Variants in FANCC observed in about 807,000 individuals in gnomAD.
FANCC encodes the protein Fanconi anemia group C protein.
A neutral mutation model predicts 71.3 loss-of-function variants in FANCC; 55 were observed. The ratio of observed to expected loss-of-function variants is 0.77; its 90% CI spans 0.62 to 0.97. FANCC has a LOEUF of 0.97. FANCC is among the 50% of genes least tolerant of loss of function. FANCC has a pLI of 0.00. For synonymous variants in FANCC, 275 were observed against 244.9 expected, an observed-to-expected ratio of 1.12 and a Z score of -1.15; for missense variants, 678 against 670.9, an observed-to-expected ratio of 1.01 and a Z score of -0.12.
At chr9:95,158,607 T>C (rs181959554) in intron 6 of FANCC, among the ~76,000 whole-genome samples, 1 of 152,218 alleles carries the variant, frequency 6.6e-6, no homozygotes, top group East Asian at 1.9e-4. Context: ...TCAACAAAAA[T>C]AAAAACCGTA....
intron 1 of FANCC, among the ~76,000 whole-genome samples, chr9:95,312,033 C>G (rs1835438347): frequency 1.3e-5 from 2 of 152,148 alleles, no homozygotes; most frequent in Admixed American, 1.3e-4. Context: ...CTAATCCTGT[C>G]CTCTTCTCCT....
chr9:95,299,916 A>G (rs566684292), intron 1 of FANCC, among the ~76,000 whole-genome samples: 113 of 152,182 alleles, frequency 7.4e-4, no homozygotes, highest in African/African-American at 2.6e-3. Flanking sequence ...CTCAAAACTC[A>G]TCTCCTCAAA....
chr9:95,134,447 C>T (rs4647509), intron 8 of FANCC, among the ~76,000 whole-genome samples: 3,958 of 152,234 alleles, frequency 0.026, 154 homozygotes, highest in African/African-American at 0.08. Flanking sequence ...AAGACCGGAC[C>T]GTTCACTGTG....
chr9:95,124,000 G>A (rs1173858384), intron 10 of FANCC: 1 of 334,442 alleles, frequency 3.0e-6, no homozygotes, highest in Admixed American at 4.2e-5. Context: ...CTACACGCAG[G>A]GGCTGAAGTG....
At chr9:95,116,099 G>A (rs1367261290) in intron 11 of FANCC, among the ~76,000 whole-genome samples, 1 of 152,224 alleles carries the variant, frequency 6.6e-6, no homozygotes, top group African/African-American at 2.4e-5. Flanking sequence ...TACACAAACG[G>A]AAAGGTAAAG....
intron 1 of FANCC, chr9:95,292,558 A>C (rs1834105314): frequency 2.7e-6 from 4 of 1,484,766 alleles, no homozygotes; most frequent in Non-Finnish European, 3.7e-6. Flanking sequence ...TAGGTGAGCG[A>C]GCTGTCCCAG....
At chr9:95,228,660 T>A (rs1332989731) in intron 4 of FANCC, among the ~76,000 whole-genome samples, 1 of 152,110 alleles carries the variant, frequency 6.6e-6, no homozygotes, top group Non-Finnish European at 1.5e-5. Context: ...TAAGACCGCG[T>A]GCAAGCGAAG....
intron 4 of FANCC, among the ~76,000 whole-genome samples, chr9:95,205,262 T>C (rs1467366366): frequency 6.6e-6 from 1 of 152,182 alleles, no homozygotes; most frequent in Non-Finnish European, 1.5e-5. Context: ...TAGTATACTA[T>C]GACTTTAGTA....
chr9:95,294,304 C>T, intron 1 of FANCC: 5 of 1,583,978 alleles, frequency 3.2e-6, no homozygotes, highest in East Asian at 4.5e-5. Flanking sequence ...AGAGAGTGAA[C>T]TTAGCACCAT....
chr9:95,292,111 CAT>C, intron 1 of FANCC, among the ~76,000 whole-genome samples: 1 of 149,730 alleles, frequency 6.7e-6, no homozygotes, highest in East Asian at 1.9e-4. Flanking sequence ...AGAGTACTGA[CAT>C]AAAAACACAC....
At position 95,126,762 on chromosome 9, in the gene FANCC, G is replaced by A. The variant is rs1826046129; in HGVS notation, c.844-181C>T. On this transcript the variant is annotated intron_variant, in intron 8 of 14. Coordinates refer to ENST00000289081, the MANE Select transcript of FANCC (RefSeq NM_000136.3). ...CGCCCCACATACAAGTGCATACGGT[G>A]GTCTCCCTGGGCAGGGGTTACAGGC... The A allele has an allele frequency of 1.1e-5, 7 of 633,864 alleles. No individual in the cohort carries two copies. The South Asian group carries it at 1.2e-4, about 11-fold the overall frequency. The allele number at this position is 633,864 out of a possible 1,614,324, so 39.3% of individuals were successfully genotyped here.
intron 6 of FANCC, among the ~76,000 whole-genome samples, chr9:95,167,698 CT>C (rs1241148117): frequency 1.3e-5 from 2 of 152,074 alleles, no homozygotes; most frequent in East Asian, 3.9e-4. Flanking sequence ...TCTCATTTTG[CT>C]CACATATTGT....
chr9:95,191,690 C>A (rs1827127262), intron 4 of FANCC, among the ~76,000 whole-genome samples: 1 of 152,136 alleles, frequency 6.6e-6, no homozygotes, highest in Non-Finnish European at 1.5e-5. Flanking sequence ...CACCCAAGAA[C>A]ATGATTCTAC....
intron 9 of FANCC, among the ~76,000 whole-genome samples, chr9:95,125,880 C>T (rs1178595949): frequency 6.6e-6 from 1 of 152,190 alleles, no homozygotes; most frequent in East Asian, 1.9e-4. Context: ...ACAAGCTCCC[C>T]AGGGGCGTCC....
At chr9:95,220,454 A>C (rs1408717331) in intron 4 of FANCC, among the ~76,000 whole-genome samples, 1 of 152,228 alleles carries the variant, frequency 6.6e-6, no homozygotes, top group Non-Finnish European at 1.5e-5. Context: ...AATAGCAAAG[A>C]CTTGGAACCA....
At chr9:95,181,686 C>A (rs1826378174) in intron 4 of FANCC, among the ~76,000 whole-genome samples, 1 of 152,228 alleles carries the variant, frequency 6.6e-6, no homozygotes, top group Admixed American at 6.5e-5. Context: ...TAAAGATGTA[C>A]AGATTTTATC....
intron 4 of FANCC, among the ~76,000 whole-genome samples, chr9:95,230,208 GGTCT>G (rs1366633637): frequency 1.3e-5 from 2 of 152,182 alleles, no homozygotes; most frequent in African/African-American, 2.4e-5. Flanking sequence ...TAGTGAAAGA[GGTCT>G]GTCTGAGGAG....
intron 4 of FANCC, among the ~76,000 whole-genome samples, chr9:95,206,986 C>T (rs553353643): frequency 2.6e-5 from 4 of 152,208 alleles, no homozygotes; most frequent in African/African-American, 7.2e-5. Flanking sequence ...AATGGGAGTA[C>T]AACCAAACCC....
chr9:95,102,610 C>T (rs1256643158), intron 14 of FANCC, among the ~76,000 whole-genome samples: 2 of 152,146 alleles, frequency 1.3e-5, no homozygotes, highest in African/African-American at 4.8e-5. Flanking sequence ...TTTAATTAGC[C>T]AGAGCAGCCC....
Sources: allele counts gnomAD v4.1 joint callset (sites outside exome capture counted in the v4.1 genomes callset), GRCh38; gene constraint gnomAD v4.1.1; transcripts MANE v1.5; gene names NCBI Gene and HGNC (gene_info 2026-07-23, HGNC 2026-07-21).